The following DBN1 variants were observed in gnomAD, a reference collection of about 807,000 sequenced individuals.
DBN1 encodes drebrin.
Under a neutral mutation model 83.5 loss-of-function variants are expected in DBN1, and 21 were observed. The observed-to-expected ratio is 0.25, with a 90% CI of 0.18 to 0.36. The LOEUF is 0.36. DBN1 is among the 10% of genes least tolerant of loss of function. DBN1 has a pLI of 1.00. For missense variants in DBN1, 874 were observed against 935.7 expected, an observed-to-expected ratio of 0.93 and a Z score of 0.86; for synonymous variants, 381 against 384.9, an observed-to-expected ratio of 0.99 and a Z score of 0.12.
rs1344989054 is a variant in DBN1, at chr5:177,466,834, T to C, written c.709A>G (p.Arg237Gly). Residue 237 changes from arginine to glycine, a missense_variant and splice_region_variant, in exon 8 of 15, where the codon AGG becomes GGG. Transcript: ENST00000393565. This position sits in a 1 kb window ranked among gnomAD's most constrained non-coding sequence, Gnocchi z 4.8. ...EREQQIEEHR[R>G]KQQTLEAEEA... ...TCCGCTTCTAAAGTCTGCTGTTTCC[T>C]CCTGGAACGATAAGCAGCCAGCACC... The C allele has an allele frequency of 1.2e-6, 2 of 1,614,088 alleles. No individual in the cohort carries two copies. Among genetic ancestry groups the C allele is most frequent in the Non-Finnish European group, 1.7e-6 (2 of 1,179,992 alleles).
chr5:177,471,766 C>T (rs1757859916), intron 1 of DBN1, among the ~76,000 whole-genome samples: 1 of 152,148 alleles, frequency 6.6e-6, no homozygotes, highest in Non-Finnish European at 1.5e-5. Flanking sequence ...ATGAATAACT[C>T]GCTTTGGCCA....
chr5:177,457,708 G>T lies in DBN1; in HGVS notation c.1964C>A (p.Ser655Ter), dbSNP rs746232233. 6.2e-7 allele frequency: 1 copy of T among 1,612,748 alleles called. No homozygotes were observed. Residue 655 changes from serine to a stop codon, truncating the protein, a stop_gained, in exon 14 of 15, where the codon TCG becomes TAG. Transcript: ENST00000393565. LOFTEE classifies it high-confidence loss of function. The part of the protein sequence containing the change: ...SQSQEEEFAQ[S>*]EELCAKAPPP... ...CGGAGCCTTGGCACAGAGCTCTTCC[G>T]ATTGGGCAAACTCCTCCTCCTGTGA...
At chr5:177,471,170 G>C (rs1757817578) in intron 1 of DBN1, among the ~76,000 whole-genome samples, 1 of 152,032 alleles carries the variant, frequency 6.6e-6, no homozygotes, top group South Asian at 2.1e-4. Flanking sequence ...CTGGGGTGGA[G>C]GGTGAGCTGG....
intron 1 of DBN1, among the ~76,000 whole-genome samples, chr5:177,470,112 C>T (rs993879159): frequency 6.6e-6 from 1 of 152,184 alleles, no homozygotes; most frequent in Non-Finnish European, 1.5e-5. Context: ...CCCTCCCCTT[C>T]CTGGATTCCC....
rs746557967 is a variant in DBN1 at position 177,467,843 on chromosome 5, G to A, written c.256-26C>T. ...CTGCAAAGTACCCAGCAAAGAGGGG[G>A]TCAGGAAAGGACAAGGGGGGCCCTA... On this transcript the variant is annotated intron_variant, in intron 3 of 14. Transcript: ENST00000393565. The surrounding 1 kb of genome is among the most constrained non-coding windows in gnomAD (Gnocchi z 9.1). 6.3e-6 allele frequency: 10 copies of A among 1,575,880 alleles called. No homozygotes were observed. The African/African-American group carries it at 6.8e-5, about 11-fold the overall frequency.
At chr5:177,469,094 C>T (rs1402220001) in intron 1 of DBN1, among the ~76,000 whole-genome samples, 195 bp from the exon 2 acceptor site, 2 of 152,084 alleles carry the variant, frequency 1.3e-5, no homozygotes, top group African/African-American at 2.4e-5. Flanking sequence ...AGGCCTGGGT[C>T]AGGGGGGCGC....
Position 177,472,168 on chromosome 5 carries a change from T to G in DBN1, c.86+1268A>C, listed in dbSNP as rs762757957. ...TCGCGTCCATCCCTCCAGGCCTGGCTGCTGGCCAGTGCTGCAGTACCATGC... is the reference window on the plus strand; with the variant it reads ...TCGCGTCCATCCCTCCAGGCCTGGCGGCTGGCCAGTGCTGCAGTACCATGC... On this transcript the variant is annotated intron_variant, in intron 1 of 14. Transcript: ENST00000393565. 7 of 1,613,466 alleles carry G rather than the reference T, an allele frequency of 4.3e-6. 1 individual carries two copies. The South Asian group carries it at 7.7e-5, about 18-fold the overall frequency.
chr5:177,473,516 G>A lies in DBN1; in HGVS notation c.6C>T (p.Ala2=). The part of the protein sequence containing the change: M[A]GVSFSGHRLE... Reference sequence around the variant, plus strand: ...GGCGGTGGCCGCTGAAGCTGACGCCGGCCATGCTTCGGGCCGGACCGGGCC... The same window carrying A: ...GGCGGTGGCCGCTGAAGCTGACGCCAGCCATGCTTCGGGCCGGACCGGGCC... Residue 2 remains alanine, a synonymous_variant, in exon 1 of 15, where the codon GCC becomes GCT. Coordinates refer to ENST00000393565, the MANE Select transcript of DBN1 (RefSeq NM_001363541.2). The A allele has an allele frequency of 7.0e-7, 1 of 1,426,864 alleles. No homozygotes were observed. 88.4% of individuals were successfully genotyped at this position (1,426,864 alleles called of 1,614,324 possible). A position where few individuals can be genotyped will look rare whatever the true frequency, so the allele number is the denominator to read the frequency against.
intron 8 of DBN1, among the ~76,000 whole-genome samples, chr5:177,463,921 C>T (rs1020937372): frequency 1.5e-4 from 23 of 152,024 alleles, no homozygotes; most frequent in Admixed American, 7.2e-4. Context: ...TTGAGACCAG[C>T]CTGGCCAACA....
intron 2 of DBN1, chr5:177,468,491 C>T (rs1250775384): frequency 3.8e-6 from 2 of 532,094 alleles, no homozygotes; most frequent in Non-Finnish European, 6.7e-6. Flanking sequence ...ATTCTTCACA[C>T]ATCATCATGT....
intron 8 of DBN1, among the ~76,000 whole-genome samples, chr5:177,463,397 G>A (rs1172679854): frequency 6.6e-6 from 1 of 152,170 alleles, no homozygotes; most frequent in Non-Finnish European, 1.5e-5. Flanking sequence ...AAGGCCCAGA[G>A]GGAGGAGAGA....
rs1351931624 is a variant in DBN1, at chr5:177,456,734, A to C, written c.*699T>G. 1 of 151,916 alleles carries C rather than the reference A, an allele frequency of 6.6e-6. No homozygotes were observed. Among genetic ancestry groups the C allele is most frequent in the African/African-American group, 2.4e-5 (1 of 41,194 alleles). The allele number at this position is 151,916 out of a possible 1,614,324, so 9.4% of individuals were successfully genotyped here. ...TAAACGTGAAAAAGGAACCCAAGCA[A>C]AGAGGAAGGAGTTGGGGAGGGGCCA... On this transcript the variant is annotated 3_prime_UTR_variant, in exon 15 of 15. Coordinates refer to ENST00000393565, the MANE Select transcript of DBN1 (RefSeq NM_001363541.2).
chr5:177,468,527 C>T, intron 2 of DBN1: 12 of 471,036 alleles, frequency 2.5e-5, no homozygotes, highest in Admixed American at 1.4e-4. Context: ...TGCCCAGAGG[C>T]ACAATCAAGC....
chr5:177,467,878 G>A lies in DBN1; in HGVS notation c.256-61C>T, dbSNP rs924970029. ...GACAAGGGGGGCCCTACACGATAGG[G>A]TGCATCTTCCCCGGGGTGGGAAGAG... On this transcript the variant is annotated intron_variant, in intron 3 of 14. Coordinates refer to ENST00000393565, the MANE Select transcript of DBN1 (RefSeq NM_001363541.2). The surrounding 1 kb of genome is among the most constrained non-coding windows in gnomAD (Gnocchi z 9.1). 27 of 1,575,028 alleles carry A rather than the reference G, an allele frequency of 1.7e-5. No individual in the cohort carries two copies. Among genetic ancestry groups the A allele is most frequent in the Non-Finnish European group, 1.9e-5 (22 of 1,151,662 alleles).
chr5:177,466,605 C>T lies in DBN1; in HGVS notation c.771+167G>A, dbSNP rs190118362. Among the ~76,000 whole-genome samples the T allele has an allele frequency of 6.6e-6, 1 of 152,200 alleles. No individual in the cohort carries two copies. The highest frequency in any genetic ancestry group is 1.5e-5 in the Non-Finnish European group (1 of 68,026). Reference sequence around the variant, plus strand: ...TCCACGGCCAGAGGCCAGAGCCCCACGTGATGAGGTGCCAGGCCTCATGCT... The same window carrying T: ...TCCACGGCCAGAGGCCAGAGCCCCATGTGATGAGGTGCCAGGCCTCATGCT... On this transcript the variant is annotated intron_variant, in intron 8 of 14. Transcript: ENST00000393565. The surrounding 1 kb of genome is among the most constrained non-coding windows in gnomAD (Gnocchi z 4.8).
chr5:177,462,279 G>A (rs1179224626), intron 8 of DBN1: 16 of 985,298 alleles, frequency 1.6e-5, no homozygotes, highest in Non-Finnish European at 1.8e-5. Flanking sequence ...TCAGTTCCCA[G>A]AACAGGCACA....
Position 177,467,941 on chromosome 5 carries a change from G to C in DBN1, c.256-124C>G. The C allele has an allele frequency of 7.2e-7, 1 of 1,387,204 alleles. No homozygotes were observed. Among genetic ancestry groups the C allele is most frequent in the Non-Finnish European group, 1.0e-6 (1 of 985,076 alleles). 85.9% of individuals were successfully genotyped at this position (1,387,204 alleles called of 1,614,324 possible). A position where few individuals can be genotyped will look rare whatever the true frequency, so the allele number is the denominator to read the frequency against. ...TCTCCACGGGTGTCAGAGGGCCGAC[G>C]GGGAGGGCGACTGCTCTGGGCCTTC... is the stretch of plus-strand genomic sequence containing the variant. On this transcript the variant is annotated intron_variant, in intron 3 of 14. Transcript: ENST00000393565. The surrounding 1 kb of genome is among the most constrained non-coding windows in gnomAD (Gnocchi z 9.1).
In DBN1 at chr5:177,458,605, G is replaced by A. The variant is rs751807331; in HGVS notation, c.1367C>T (p.Pro456Leu). 4 of 1,612,444 alleles carry A rather than the reference G, an allele frequency of 2.5e-6. No homozygotes were observed. Among genetic ancestry groups the A allele is most frequent in the Non-Finnish European group, 3.4e-6 (4 of 1,179,074 alleles). Residue 456 changes from proline to leucine, a missense_variant, in exon 13 of 15, where the codon CCT becomes CTT. Physicochemically the swap from Pro to Leu is moderately conservative, Grantham distance 98. Coordinates refer to ENST00000393565, the MANE Select transcript of DBN1 (RefSeq NM_001363541.2). ...PMEEPPQAQA[P>L]PRGPGSPAED... is the part of the protein sequence containing the mutation. Reference sequence around the variant, plus strand: ...TGCAGGGCTGCCTGGCCCCCGGGGAGGCGCCTGTGCCTGAGGGGGCTCCTC... The same window carrying A: ...TGCAGGGCTGCCTGGCCCCCGGGGAAGCGCCTGTGCCTGAGGGGGCTCCTC...
intron 10 of DBN1, 132 bp downstream of exon 10, chr5:177,460,300 G>A: frequency 7.5e-7 from 1 of 1,335,856 alleles, no homozygotes; most frequent in South Asian, 1.3e-5. Flanking sequence ...GTGGGCGGAT[G>A]CACGCTGGAT....
Sources: allele counts gnomAD v4.1 joint callset (sites outside exome capture counted in the v4.1 genomes callset), GRCh38; gene constraint gnomAD v4.1.1; non-coding constraint Gnocchi (gnomAD v3.1); transcripts MANE v1.5; gene names NCBI Gene and HGNC (gene_info 2026-07-23, HGNC 2026-07-21).